GALNT13: variants seen among roughly 807,000 people sequenced by gnomAD.
GALNT13 encodes UDP-GalNAc:polypeptide N-acetylgalactosaminyltransferase 13.
In GALNT13, 28 loss-of-function variants were observed where a neutral mutation model predicts 64.2. The ratio of observed to expected loss-of-function variants is 0.44; its 90% CI spans 0.32 to 0.60. The LOEUF is 0.60. GALNT13 is among the 20% of genes least tolerant of loss of function. The pLI is 0.05. For missense variants in GALNT13, 577 were observed against 669.8 expected (o/e 0.86, Z 1.53); for synonymous variants, 214 against 224.6 (o/e 0.95, Z 0.42).
chr2:154,107,948 G>A (rs915355102), intron 3 of GALNT13, among the ~76,000 whole-genome samples: 1 of 151,982 alleles, frequency 6.6e-6, no homozygotes, highest in Non-Finnish European at 1.5e-5. Flanking sequence ...TTCCTTTTAA[G>A]CATGCATATT....
the GALNT13 span, among the ~76,000 whole-genome samples, chr2:153,840,828 A>G: frequency 5.5e-4 from 83 of 152,256 alleles, no homozygotes; most frequent in African/African-American, 2.0e-3. Context: ...GACAAACCCA[A>G]CCAGAAGTCT....
At chr2:153,742,766 G>T in the GALNT13 span, among the ~76,000 whole-genome samples, 1 of 151,886 alleles carries the variant, frequency 6.6e-6, no homozygotes, top group South Asian at 2.1e-4. Context: ...TCTTTTTATG[G>T]CTGCATAGTA....
chr2:153,316,639 C>CAAAAAAAAAAAAAAAAAAAAAAAAAAAAA, the GALNT13 span, among the ~76,000 whole-genome samples: 1 of 69,856 alleles, frequency 1.4e-5, no homozygotes, highest in East Asian at 4.9e-4. Flanking sequence ...GACTCCGTCT[C>CAAAAAAAAAAAAAAAAAAAAAAAAAAAAA]AAAAAAAAAA....
At chr2:154,387,677 T>G (rs1698580483) in intron 9 of GALNT13, among the ~76,000 whole-genome samples, 1 of 152,176 alleles carries the variant, frequency 6.6e-6, no homozygotes, top group African/African-American at 2.4e-5. Flanking sequence ...CATGTGGTAT[T>G]TGTTTTTCTG....
At chr2:154,009,508 T>TA in intron 3 of GALNT13, among the ~76,000 whole-genome samples, 1 of 151,632 alleles carries the variant, frequency 6.6e-6, no homozygotes, top group East Asian at 1.9e-4. Context: ...TGGCTTTTTT[T>TA]TTTTTTGAGG....
At chr2:154,150,106 A>G (rs1221565046) in intron 4 of GALNT13, among the ~76,000 whole-genome samples, 1 of 152,194 alleles carries the variant, frequency 6.6e-6, no homozygotes. Flanking sequence ...CGTCCCATCA[A>G]TACCTAATTT....
At chr2:153,251,668 G>A in the GALNT13 span, among the ~76,000 whole-genome samples, 2 of 132,976 alleles carry the variant, frequency 1.5e-5, no homozygotes, top group African/African-American at 5.8e-5. Flanking sequence ...CCCCTTCCTG[G>A]GTCCATGTGT....
chr2:153,253,676 G>T, the GALNT13 span, among the ~76,000 whole-genome samples: 3 of 150,298 alleles, frequency 2.0e-5, no homozygotes, highest in Admixed American at 1.3e-4. Flanking sequence ...TTTTTAGCAT[G>T]AAGGGTTGTT....
chr2:154,149,775 T>A (rs757506353), intron 4 of GALNT13, among the ~76,000 whole-genome samples: 1 of 152,166 alleles, frequency 6.6e-6, no homozygotes, highest in African/African-American at 2.4e-5. Flanking sequence ...GTACATTGAT[T>A]TTGTATCCTG....
chr2:153,071,454 C>T, the GALNT13 span, among the ~76,000 whole-genome samples: 1 of 152,260 alleles, frequency 6.6e-6, no homozygotes, highest in Non-Finnish European at 1.5e-5. Context: ...TGAAGCTTTC[C>T]TGGCAAGCAT....
chr2:154,315,949 G>A (rs542457832), intron 9 of GALNT13, among the ~76,000 whole-genome samples: 92 of 152,200 alleles, frequency 6.0e-4, no homozygotes, highest in Middle Eastern at 3.4e-3. Context: ...TTAGCTGGGC[G>A]TGGTGGCACA....
chr2:153,441,595 C>T, the GALNT13 span, among the ~76,000 whole-genome samples: 1 of 152,128 alleles, frequency 6.6e-6, no homozygotes, highest in Non-Finnish European at 1.5e-5. Context: ...GAATATTTTT[C>T]CATTTGTTTG....
chr2:153,298,810 A>G, the GALNT13 span, among the ~76,000 whole-genome samples: 1 of 152,180 alleles, frequency 6.6e-6, no homozygotes, highest in Non-Finnish European at 1.5e-5. Context: ...AGAGAGAGAT[A>G]ATTTGGAATA....
At chr2:154,352,268 C>T (rs1030322158) in intron 9 of GALNT13, among the ~76,000 whole-genome samples, 15 of 152,306 alleles carry the variant, frequency 9.8e-5, no homozygotes, top group African/African-American at 3.6e-4. Flanking sequence ...ATGGACATGC[C>T]ACTGCAGTTG....
the GALNT13 span, among the ~76,000 whole-genome samples, chr2:153,686,159 GA>G: frequency 1.3e-5 from 2 of 151,794 alleles, no homozygotes; most frequent in East Asian, 3.9e-4. Flanking sequence ...ATTTTAAAAT[GA>G]TTTTTTTTCT....
the GALNT13 span, among the ~76,000 whole-genome samples, chr2:153,089,229 T>C: frequency 6.6e-6 from 1 of 152,206 alleles, no homozygotes; most frequent in Non-Finnish European, 1.5e-5. Context: ...CCTTCACTTA[T>C]GAGGCTTAGT....
chr2:153,406,049 A>T, the GALNT13 span, among the ~76,000 whole-genome samples: 42 of 152,306 alleles, frequency 2.8e-4, no homozygotes, highest in African/African-American at 9.9e-4. Context: ...GTTGCTAAAG[A>T]CAAACTGTTA....
intron 1 of GALNT13, among the ~76,000 whole-genome samples, chr2:153,895,959 G>A (rs1476098991): frequency 6.7e-6 from 1 of 149,480 alleles, no homozygotes. Flanking sequence ...TGTCACACAA[G>A]AAATTCACAA....
the GALNT13 span, among the ~76,000 whole-genome samples, chr2:153,253,580 A>G: frequency 1.3e-5 from 2 of 149,590 alleles, no homozygotes; most frequent in Non-Finnish European, 3.0e-5. Context: ...GTTTTTGCCC[A>G]TTCAGTATGA....
Sources: allele counts gnomAD v4.1 joint callset (sites outside exome capture counted in the v4.1 genomes callset), GRCh38; gene constraint gnomAD v4.1.1; transcripts MANE v1.5; gene names NCBI Gene and HGNC (gene_info 2026-07-23, HGNC 2026-07-21).